Variants in CAPN8 observed in about 807,000 individuals in gnomAD.
The protein encoded by CAPN8 is calpain 8, also known as calpain-8.
In CAPN8, 87 loss-of-function variants were observed where a neutral mutation model predicts 80.9. The observed-to-expected ratio is 1.07, with a 90% CI of 0.90 to 1.28. CAPN8 has a LOEUF of 1.28. CAPN8 is among the 50% of genes most tolerant of loss of function. The pLI, the probability that CAPN8 is intolerant of heterozygous loss-of-function variation, is 0.00. For synonymous variants in CAPN8, 299 were observed against 273.8 expected, an observed-to-expected ratio of 1.09 and a Z score of -0.91; for missense variants, 757 against 702.0, an observed-to-expected ratio of 1.08 and a Z score of -0.89.
intron 2 of CAPN8, 105 bp downstream of exon 2, chr1:223,654,225 A>T: frequency 1.1e-6 from 1 of 945,758 alleles, no homozygotes; most frequent in Non-Finnish European, 1.6e-6. Context: ...CACATCAGGT[A>T]CCTAATTCAC....
intron 1 of CAPN8, among the ~76,000 whole-genome samples, chr1:223,663,059 A>C (rs919311464): frequency 5.9e-5 from 9 of 152,190 alleles, no homozygotes; most frequent in Admixed American, 5.9e-4. Flanking sequence ...CGCACTTGAA[A>C]ACTCCAAATA....
At chr1:223,624,570 C>G (rs1048163804) in intron 6 of CAPN8, among the ~76,000 whole-genome samples, 2 of 151,864 alleles carry the variant, frequency 1.3e-5, no homozygotes, top group African/African-American at 2.4e-5. Flanking sequence ...AATAATTAGC[C>G]AGGCATGATG....
At chr1:223,664,445 C>T (rs555219435) in intron 1 of CAPN8, among the ~76,000 whole-genome samples, 2 of 152,296 alleles carry the variant, frequency 1.3e-5, no homozygotes, top group African/African-American at 4.8e-5. Context: ...GTTCTGGGCA[C>T]TATGCTCTGA....
chr1:223,647,552 T>A (rs186137581), intron 2 of CAPN8, among the ~76,000 whole-genome samples: 4 of 152,138 alleles, frequency 2.6e-5, no homozygotes, highest in Admixed American at 2.6e-4. Flanking sequence ...TCTTTAAATA[T>A]TGAAGTTCCT....
chr1:223,619,683 C>A (rs1657324030), intron 8 of CAPN8, among the ~76,000 whole-genome samples: 1 of 152,212 alleles, frequency 6.6e-6, no homozygotes, highest in African/African-American at 2.4e-5. Context: ...TCTTAACAAC[C>A]AAGCAAAGGA....
rs963149536 is a variant in CAPN8, at chr1:223,615,960, A to G, written c.1311+10T>C. Reference sequence around the variant, plus strand: ...GTGTATAATGAAGGACAAACCCAGCACAGCAGTACCTGGTAGACGGCATAG... The same window carrying G: ...GTGTATAATGAAGGACAAACCCAGCGCAGCAGTACCTGGTAGACGGCATAG... On this transcript the variant is annotated intron_variant, in intron 10 of 20. Transcript: ENST00000366872. The G allele has an allele frequency of 3.2e-6, 5 of 1,552,080 alleles. No homozygotes were observed. The African/African-American group carries it at 6.8e-5, about 21-fold the overall frequency.
At chr1:223,657,537 T>C (rs1309621786) in intron 1 of CAPN8, among the ~76,000 whole-genome samples, 3 of 152,148 alleles carry the variant, frequency 2.0e-5, no homozygotes, top group Admixed American at 2.0e-4. Context: ...GAGGCCAAAG[T>C]GTGTGGATCA....
chr1:223,641,654 T>C (rs1658046252), intron 2 of CAPN8, among the ~76,000 whole-genome samples: 1 of 152,210 alleles, frequency 6.6e-6, no homozygotes, highest in Non-Finnish European at 1.5e-5. Flanking sequence ...GCCTTTGCAC[T>C]AACTGTTCCC....
intron 17 of CAPN8, 48 bp from the exon 18 acceptor site, chr1:223,544,898 C>A (rs900999468): frequency 1.3e-6 from 2 of 1,550,514 alleles, no homozygotes; most frequent in African/African-American, 2.7e-5. Flanking sequence ...TTCACGGCCC[C>A]TGCCAGAACC....
At chr1:223,663,520 C>A (rs1462350054) in intron 1 of CAPN8, among the ~76,000 whole-genome samples, 1 of 152,216 alleles carries the variant, frequency 6.6e-6, no homozygotes, top group East Asian at 1.9e-4. Context: ...CCCACACTTT[C>A]CATCAGAGCT....
At chr1:223,615,757 T>A (rs1558341111) in intron 10 of CAPN8, 1 of 683,774 alleles carries the variant, frequency 1.5e-6, no homozygotes, top group African/African-American at 1.8e-5. Flanking sequence ...CACATCTCAA[T>A]GTTAACAGCA....
At chr1:223,615,648 G>A (rs1386492206) in intron 10 of CAPN8, 1 of 470,558 alleles carries the variant, frequency 2.1e-6, no homozygotes, top group East Asian at 6.3e-5. Flanking sequence ...ATGCCCCCAT[G>A]TTCTTGGCTC....
intron 14 of CAPN8, among the ~76,000 whole-genome samples, chr1:223,553,493 G>A (rs1256583295): frequency 9.9e-5 from 15 of 152,264 alleles, no homozygotes; most frequent in Middle Eastern, 3.4e-3. Context: ...ATTTGGAGAG[G>A]TTTTGCCATC....
At chr1:223,616,483 G>GA (rs1267250569) in intron 9 of CAPN8, among the ~76,000 whole-genome samples, 3 of 152,220 alleles carry the variant, frequency 2.0e-5, no homozygotes, top group African/African-American at 7.2e-5. Flanking sequence ...TCTTCCTGGG[G>GA]AAAGACTTAA....
intron 11 of CAPN8, among the ~76,000 whole-genome samples, chr1:223,611,663 A>G (rs1194447105): frequency 6.6e-6 from 1 of 152,208 alleles, no homozygotes; most frequent in Non-Finnish European, 1.5e-5. Context: ...TTGAGGGCTC[A>G]CCTGCCCTGC....
intron 16 of CAPN8, among the ~76,000 whole-genome samples, chr1:223,547,413 T>A (rs749895764): frequency 1.3e-5 from 2 of 152,168 alleles, no homozygotes; most frequent in Non-Finnish European, 1.5e-5. Context: ...TAGACAAATT[T>A]GTAGAGACAG....
chr1:223,546,311 G>A (rs1656620765), intron 16 of CAPN8, among the ~76,000 whole-genome samples: 1 of 152,176 alleles, frequency 6.6e-6, no homozygotes, highest in Non-Finnish European at 1.5e-5. Flanking sequence ...CTTGAGCCCA[G>A]GAGTTTGAGG....
At chr1:223,550,788 C>T (rs1447143193) in intron 15 of CAPN8, among the ~76,000 whole-genome samples, 172 bp downstream of exon 15, 3 of 152,132 alleles carry the variant, frequency 2.0e-5, no homozygotes, top group African/African-American at 7.2e-5. Flanking sequence ...CCGTCTTCTG[C>T]CTCTCCTTCT....
intron 2 of CAPN8, among the ~76,000 whole-genome samples, chr1:223,629,164 C>T (rs572263250): frequency 2.0e-5 from 3 of 149,272 alleles, no homozygotes; most frequent in East Asian, 2.0e-4. Flanking sequence ...AACATTGAAG[C>T]TGTTAATCCA....
Sources: gnomAD v4.1 joint callset for allele counts (sites outside exome capture counted in the v4.1 genomes callset) on GRCh38, gnomAD v4.1.1 for gene constraint, MANE v1.5 for transcripts, NCBI Gene and HGNC (gene_info 2026-07-23, HGNC 2026-07-21) for gene names.